The following RSRC1 variants were observed in gnomAD, a reference collection of about 807,000 sequenced individuals.
The protein encoded by RSRC1 is arginine and serine rich coiled-coil 1, also known as serine/Arginine-related protein 53.
A neutral mutation model predicts 49.1 loss-of-function variants in RSRC1; 39 were observed. That is an observed-to-expected ratio of 0.79 (90% confidence interval 0.61 to 1.04). The LOEUF (loss-of-function observed/expected upper bound fraction) is 1.04. RSRC1 is among the 50% of genes least tolerant of loss of function. The pLI is 0.00. For synonymous variants in RSRC1, 143 were observed against 130.8 expected, an observed-to-expected ratio of 1.09 and a Z score of -0.63; for missense variants, 388 against 402.4, an observed-to-expected ratio of 0.96 and a Z score of 0.31.
intron 6 of RSRC1, among the ~76,000 whole-genome samples, chr3:158,365,344 T>G (rs908298849): frequency 6.6e-6 from 1 of 150,454 alleles, no homozygotes; most frequent in Non-Finnish European, 1.5e-5. Flanking sequence ...TTCCCCTCCC[T>G]GTGTCCATGA....
intron 3 of RSRC1, among the ~76,000 whole-genome samples, chr3:158,159,995 G>GGT (rs1163515175): frequency 1.3e-5 from 2 of 152,032 alleles, no homozygotes; most frequent in Non-Finnish European, 2.9e-5. Flanking sequence ...TGCAAACTGT[G>GGT]GTAATGAATG....
intron 6 of RSRC1, among the ~76,000 whole-genome samples, chr3:158,379,814 G>GCGCACACACA (rs1553796317): frequency 1.4e-5 from 2 of 147,010 alleles, no homozygotes; most frequent in Non-Finnish European, 3.0e-5. Flanking sequence ...ACACGCGCAT[G>GCGCACACACA]CACACACACA....
intron 7 of RSRC1, among the ~76,000 whole-genome samples, chr3:158,508,114 T>A (rs1013174028): frequency 7.2e-5 from 11 of 152,050 alleles, no homozygotes; most frequent in African/African-American, 2.2e-4. Flanking sequence ...AATAATAATC[T>A]AGGGATTTTT....
chr3:158,196,935 T>A (rs969781593), intron 3 of RSRC1, among the ~76,000 whole-genome samples: 1 of 152,210 alleles, frequency 6.6e-6, no homozygotes, highest in Non-Finnish European at 1.5e-5. Context: ...GCATCGATGT[T>A]CATCAGGGAT....
chr3:158,256,822 T>G (rs1341968146), intron 4 of RSRC1, among the ~76,000 whole-genome samples: 4 of 152,206 alleles, frequency 2.6e-5, no homozygotes, highest in African/African-American at 9.7e-5. Flanking sequence ...TCCAGGAATT[T>G]ATCCATTTCT....
At chr3:158,473,602 T>C (rs1738238352) in intron 7 of RSRC1, among the ~76,000 whole-genome samples, 2 of 152,002 alleles carry the variant, frequency 1.3e-5, no homozygotes, top group South Asian at 4.1e-4. Flanking sequence ...ACATGGCACA[T>C]GTATACATAT....
chr3:158,374,991 A>T (rs1344716505), intron 6 of RSRC1, among the ~76,000 whole-genome samples: 1 of 151,988 alleles, frequency 6.6e-6, no homozygotes, highest in Non-Finnish European at 1.5e-5. Flanking sequence ...CTTAAGCAAT[A>T]CTTGAAATGG....
intron 4 of RSRC1, chr3:158,276,307 C>T: frequency 1.3e-6 from 1 of 762,186 alleles, no homozygotes; most frequent in Non-Finnish European, 2.4e-6. Context: ...GGGTGGGGAG[C>T]CCTGTGGAGA....
At chr3:158,152,497 A>T (rs1230241435) in intron 3 of RSRC1, among the ~76,000 whole-genome samples, 41 of 152,202 alleles carry the variant, frequency 2.7e-4, no homozygotes, top group Non-Finnish European at 1.0e-4. Flanking sequence ...TGATGTAAAG[A>T]TCATATTATA....
At chr3:158,255,118 T>G (rs932021355) in intron 4 of RSRC1, among the ~76,000 whole-genome samples, 2 of 152,216 alleles carry the variant, frequency 1.3e-5, no homozygotes, top group African/African-American at 4.8e-5. Flanking sequence ...CTTTTGGTGT[T>G]TTAGTCATGA....
chr3:158,205,615 A>C (rs1261747654), intron 4 of RSRC1, among the ~76,000 whole-genome samples: 1 of 152,150 alleles, frequency 6.6e-6, no homozygotes, highest in Non-Finnish European at 1.5e-5. Flanking sequence ...GGAAAAGTAA[A>C]AAGAGCTGTG....
chr3:158,488,894 C>A (rs565857789), intron 7 of RSRC1, among the ~76,000 whole-genome samples: 2 of 152,288 alleles, frequency 1.3e-5, no homozygotes, highest in South Asian at 4.1e-4. Context: ...GCTGTAATAA[C>A]TTAAAGTGCT....
In RSRC1 at chr3:158,203,070, A is replaced by C; in HGVS notation, c.321-2A>C. 1 of 1,609,210 alleles carries C rather than the reference A, an allele frequency of 6.2e-7. No individual in the cohort carries two copies. Among genetic ancestry groups the C allele is most frequent in the South Asian group, 1.1e-5 (1 of 90,504 alleles). On this transcript the variant is annotated splice_acceptor_variant, in intron 3 of 9. Coordinates refer to ENST00000611884, the MANE Select transcript of RSRC1 (RefSeq NM_001271838.2). LOFTEE classifies it high-confidence loss of function. The stretch of plus-strand genomic sequence containing the variant: ...TTATTTAACAAAATCTGCTTACTGT[A>C]GGTCCAGGTCAAGACCTCGTCTCCG...
At chr3:158,227,502 A>T (rs1300342642) in intron 4 of RSRC1, among the ~76,000 whole-genome samples, 1 of 151,834 alleles carries the variant, frequency 6.6e-6, no homozygotes, top group African/African-American at 2.4e-5. Flanking sequence ...CCTTTGTGCA[A>T]AGGAAATCTT....
intron 6 of RSRC1, among the ~76,000 whole-genome samples, chr3:158,448,319 T>A (rs865879991): frequency 6.6e-6 from 1 of 151,962 alleles, no homozygotes; most frequent in African/African-American, 2.4e-5. Flanking sequence ...TTTTTTTACT[T>A]TTATTCTTGT....
chr3:158,543,606 C>T, intron 9 of RSRC1, 119 bp downstream of exon 9: 3 of 1,106,462 alleles, frequency 2.7e-6, no homozygotes, highest in Non-Finnish European at 3.8e-6. Flanking sequence ...TTCATATTCC[C>T]TTGCTAAAAA....
intron 6 of RSRC1, among the ~76,000 whole-genome samples, chr3:158,426,746 A>C (rs1029193477): frequency 2.6e-5 from 4 of 151,808 alleles, no homozygotes; most frequent in African/African-American, 7.2e-5. Flanking sequence ...GCCATACCGA[A>C]ATGAACTGAA....
chr3:158,359,879 T>C (rs1731374387), intron 6 of RSRC1, among the ~76,000 whole-genome samples: 1 of 152,202 alleles, frequency 6.6e-6, no homozygotes, highest in Non-Finnish European at 1.5e-5. Flanking sequence ...GAGGGGCTTA[T>C]TGAGCAATAG....
At chr3:158,154,399 C>T (rs954361480) in intron 3 of RSRC1, among the ~76,000 whole-genome samples, 8 of 151,896 alleles carry the variant, frequency 5.3e-5, no homozygotes, top group Non-Finnish European at 7.4e-5. Flanking sequence ...CATTGATTGA[C>T]CCTTTTTTAA....
Sources: allele counts gnomAD v4.1 joint callset (sites outside exome capture counted in the v4.1 genomes callset), GRCh38; gene constraint gnomAD v4.1.1; transcripts MANE v1.5; gene names NCBI Gene and HGNC (gene_info 2026-07-23, HGNC 2026-07-21).